RPN2: variants seen among roughly 807,000 people sequenced by gnomAD.
The protein encoded by RPN2 is dolichyl-diphosphooligosaccharide--protein glycosyltransferase subunit 2.
A neutral mutation model predicts 71.4 loss-of-function variants in RPN2; 29 were observed. That is an observed-to-expected ratio of 0.41 (90% CI 0.30 to 0.55). RPN2 has a LOEUF of 0.55. Among genes scored for constraint, RPN2 ranks in the 20% least tolerant of loss-of-function variants. The probability of loss-of-function intolerance (pLI) is 0.35; values close to 1 mark genes in which losing one functional copy is unlikely to be tolerated. For synonymous variants in RPN2, 308 were observed against 305.0 expected (o/e 1.01, Z -0.10); for missense variants, 726 against 774.1 (o/e 0.94, Z 0.74).
rs371503882 is a variant in RPN2 at position 37,232,259 on chromosome 20, G to A, written c.1582-37G>A. ...TACATGGCTGCCCCTACTGGGAAGG[G>A]CACATTCTTAAGTCTTCTTGGTGTG... On this transcript the variant is annotated intron_variant, in intron 13 of 16. Coordinates refer to ENST00000237530, the MANE Select transcript of RPN2 (RefSeq NM_002951.5). 1.1e-3 allele frequency: 1,854 copies of A among 1,612,664 alleles called. 1 individual carries two copies. The highest frequency in any genetic ancestry group is 1.5e-3 in the Non-Finnish European group (1,753 of 1,178,804).
chr20:37,181,421 T>TTTTTC (rs1568955203), intron 1 of RPN2, among the ~76,000 whole-genome samples: 1 of 148,500 alleles, frequency 6.7e-6, no homozygotes, highest in Non-Finnish European at 1.5e-5. Flanking sequence ...TTGCATTTGG[T>TTTTTC]TTTTCTTTTC....
chr20:37,230,621 CTG>C (rs2068215162), intron 13 of RPN2, among the ~76,000 whole-genome samples: 1 of 152,144 alleles, frequency 6.6e-6, no homozygotes, highest in Admixed American at 6.5e-5. Context: ...GTTAAGGAAA[CTG>C]AGGTGGATCC....
intron 2 of RPN2, among the ~76,000 whole-genome samples, chr20:37,193,423 G>A (rs1343159779): frequency 6.6e-6 from 1 of 152,154 alleles, no homozygotes; most frequent in Non-Finnish European, 1.5e-5. Flanking sequence ...GAAAGGAGGA[G>A]GTGTGTGGAA....
chr20:37,238,811 C>A (rs1311628616), intron 16 of RPN2: 1 of 544,042 alleles, frequency 1.8e-6, no homozygotes, highest in East Asian at 4.9e-5. Flanking sequence ...ATCCAAAATT[C>A]ATTAAATGAC....
intron 16 of RPN2, among the ~76,000 whole-genome samples, chr20:37,237,820 C>T (rs921654935): frequency 1.3e-5 from 2 of 152,186 alleles, no homozygotes; most frequent in African/African-American, 4.8e-5. Flanking sequence ...TGTTCCCTTG[C>T]AGCACCTGCC....
intron 2 of RPN2, among the ~76,000 whole-genome samples, chr20:37,195,743 G>A (rs1240864280): frequency 6.6e-6 from 1 of 152,130 alleles, no homozygotes; most frequent in East Asian, 1.9e-4. Context: ...TGGCGACAAA[G>A]CACACATTTT....
Position 37,207,275 on chromosome 20 carries a change from T to C in RPN2, c.693T>C (p.Asp231=), listed in dbSNP as rs1600785623. Residue 231 remains aspartate (D), a splice_region_variant and synonymous_variant, in exon 7 of 17, where the codon GAT becomes GAC. Coordinates refer to ENST00000237530, the MANE Select transcript of RPN2 (RefSeq NM_002951.5). ...GCTGCATTTCGCATTTCTTTCAGGA[T>C]CAGGTCATCCAGCTGATGAACGCGA... ...HVGTEPSIKE[D]QVIQLMNAIF... The C allele has an allele frequency of 1.2e-6, 2 of 1,613,176 alleles. No individual in the cohort carries two copies. The highest frequency in any genetic ancestry group is 1.7e-6 in the Non-Finnish European group (2 of 1,179,094).
chr20:37,195,983 A>G (rs551792024), intron 2 of RPN2, among the ~76,000 whole-genome samples: 80 of 152,286 alleles, frequency 5.3e-4, no homozygotes, highest in African/African-American at 1.2e-3. Flanking sequence ...AACATTGGAC[A>G]ATACAAAATA....
intron 2 of RPN2, 53 bp downstream of exon 2, chr20:37,184,426 C>T (rs2066961418): frequency 7.1e-7 from 1 of 1,412,050 alleles, no homozygotes; most frequent in Non-Finnish European, 1.0e-6. Flanking sequence ...ACCTTCATCC[C>T]CTCACTATAT....
rs75974816 is a variant in RPN2 at position 37,188,574 on chromosome 20, T to C, written c.207+4201T>C. Reference sequence around the variant, plus strand: ...ATTTTTGGTAGGAAGGGAAGTTCAATATATTTAATTCTGTCAAGGGCAGAA... The same window carrying C: ...ATTTTTGGTAGGAAGGGAAGTTCAACATATTTAATTCTGTCAAGGGCAGAA... On this transcript the variant is annotated intron_variant, in intron 2 of 16. Coordinates refer to ENST00000237530, the MANE Select transcript of RPN2 (RefSeq NM_002951.5). 3.6e-3 allele frequency among the ~76,000 whole-genome samples: 543 copies of C among 151,936 alleles called. 7 individuals are homozygous for C. Among genetic ancestry groups the C allele is most frequent in the East Asian group, 0.03 (156 of 5,166 alleles).
intron 6 of RPN2, among the ~76,000 whole-genome samples, chr20:37,205,897 C>G (rs2067500799): frequency 6.6e-6 from 1 of 152,186 alleles, no homozygotes; most frequent in Non-Finnish European, 1.5e-5. Flanking sequence ...TAAACATTTT[C>G]TTCCTTTATT....
chr20:37,179,454 T>C, intron 1 of RPN2, 85 bp downstream of exon 1: 1 of 1,420,626 alleles, frequency 7.0e-7, no homozygotes, highest in Non-Finnish European at 9.3e-7. Context: ...CCAGGCGGGA[T>C]CCCCTTCCCC....
chr20:37,207,196 G>C, intron 6 of RPN2, 77 bp from the exon 7 acceptor site: 1 of 1,177,846 alleles, frequency 8.5e-7, no homozygotes, highest in South Asian at 1.2e-5. Context: ...AGATAAGGGT[G>C]ACTTTCCTCT....
chr20:37,224,083 A>C, intron 10 of RPN2, 114 bp downstream of exon 10: 1 of 840,510 alleles, frequency 1.2e-6, no homozygotes, highest in Non-Finnish European at 2.0e-6. Context: ...CATCCAGCTT[A>C]CATCCTAAAT....
chr20:37,223,960 A>G lies in RPN2; in HGVS notation c.1175A>G (p.Lys392Arg). ...TVDKDQSIAPKTTRVTYPAKA... is the reference protein window; with the variant it reads ...TVDKDQSIAPRTTRVTYPAKA... ...GATAAGGATCAGAGCATTGCACCCA[A>G]AACTACCCGGTAGGTGAGATGCCAC... Residue 392 changes from lysine to arginine, a missense_variant, in exon 10 of 17, where the codon AAA (lysine) becomes AGA (arginine). By Grantham distance (26) the Lys-to-Arg change is conservative. Coordinates refer to ENST00000237530, the MANE Select transcript of RPN2 (RefSeq NM_002951.5). The G allele has an allele frequency of 6.2e-7, 1 of 1,613,944 alleles. No homozygotes were observed. Among genetic ancestry groups the G allele is most frequent in the Non-Finnish European group, 8.5e-7 (1 of 1,179,866 alleles).
chr20:37,231,748 C>G (rs1438090556), intron 13 of RPN2, among the ~76,000 whole-genome samples: 1 of 149,992 alleles, frequency 6.7e-6, no homozygotes, highest in Non-Finnish European at 1.5e-5. Flanking sequence ...GCGGGAAGTT[C>G]GTTTAGGGCT....
intron 4 of RPN2, among the ~76,000 whole-genome samples, chr20:37,201,610 A>T (rs1012177979): frequency 1.3e-5 from 2 of 152,190 alleles, no homozygotes; most frequent in African/African-American, 4.8e-5. Flanking sequence ...GTTCAAATCC[A>T]TTCTTCTACT....
At chr20:37,229,040 A>G (rs2068161761) in intron 12 of RPN2, among the ~76,000 whole-genome samples, 1 of 152,228 alleles carries the variant, frequency 6.6e-6, no homozygotes, top group Admixed American at 6.5e-5. Flanking sequence ...TTTTCATATT[A>G]TAGCAGGCAC....
chr20:37,228,285 A>G (rs2068131534), intron 11 of RPN2, among the ~76,000 whole-genome samples: 1 of 152,198 alleles, frequency 6.6e-6, no homozygotes, highest in South Asian at 2.1e-4. Flanking sequence ...TCATCTGCAA[A>G]CTGGGCAGTC....
Sources: allele counts gnomAD v4.1 joint callset (sites outside exome capture counted in the v4.1 genomes callset), GRCh38; gene constraint gnomAD v4.1.1; transcripts MANE v1.5; gene names NCBI Gene and HGNC (gene_info 2026-07-23, HGNC 2026-07-21).